Variants in SLC24A2 observed in about 807,000 individuals in gnomAD.
SLC24A2 encodes solute carrier family 24 member 2, also known as sodium/potassium/calcium exchanger 2.
Under a neutral mutation model 62.0 loss-of-function variants are expected in SLC24A2, and 36 were observed. That is an observed-to-expected ratio of 0.58 (90% CI 0.44 to 0.77). The LOEUF is 0.77. Among genes scored for constraint, SLC24A2 ranks in the 30% least tolerant of loss-of-function variants. The pLI, the probability that SLC24A2 is intolerant of heterozygous loss-of-function variation, is 0.00. For missense variants in SLC24A2, 846 were observed against 817.9 expected, an observed-to-expected ratio of 1.03 and a Z score of -0.42; for synonymous variants, 358 against 294.0, an observed-to-expected ratio of 1.22 and a Z score of -2.23.
At chr9:20,254,896 C>A in the SLC24A2 span, among the ~76,000 whole-genome samples, 206 of 152,308 alleles carry the variant, frequency 1.4e-3, no homozygotes, top group Non-Finnish European at 1.8e-3. Context: ...TCTTACATGG[C>A]AGCAGGCAAG....
the SLC24A2 span, among the ~76,000 whole-genome samples, chr9:20,209,716 T>A: frequency 6.6e-6 from 1 of 152,202 alleles, no homozygotes; most frequent in Non-Finnish European, 1.5e-5. Context: ...CAGACTTTGA[T>A]ATTTTTCCGA....
intron 2 of SLC24A2, among the ~76,000 whole-genome samples, chr9:19,640,715 T>A (rs982644149): frequency 1.3e-5 from 2 of 152,230 alleles, no homozygotes; most frequent in African/African-American, 2.4e-5. Flanking sequence ...TCCCTACTCA[T>A]CTTACCCTAA....
the SLC24A2 span, among the ~76,000 whole-genome samples, chr9:19,815,133 G>T: frequency 6.6e-6 from 1 of 152,004 alleles, no homozygotes; most frequent in African/African-American, 2.4e-5. Flanking sequence ...ACAAACCCTG[G>T]GCCCTAAGAC....
the SLC24A2 span, among the ~76,000 whole-genome samples, chr9:20,134,128 G>T: frequency 2.6e-5 from 4 of 152,114 alleles, no homozygotes; most frequent in African/African-American, 4.8e-5. Context: ...GATATGGAGA[G>T]CCAGAAAGAT....
chr9:20,069,176 A>C, the SLC24A2 span, among the ~76,000 whole-genome samples: 1 of 152,198 alleles, frequency 6.6e-6, no homozygotes, highest in African/African-American at 2.4e-5. Context: ...ACATTACATT[A>C]AAATTATGTA....
chr9:19,760,919 G>T (rs10811239), intron 2 of SLC24A2, among the ~76,000 whole-genome samples: 18 of 142,056 alleles, frequency 1.3e-4, no homozygotes, highest in African/African-American at 2.1e-4. Context: ...GTTGCCGGGT[G>T]GGGGGAGGGT....
At chr9:19,863,766 A>C in the SLC24A2 span, among the ~76,000 whole-genome samples, 1 of 151,920 alleles carries the variant, frequency 6.6e-6, no homozygotes, top group Admixed American at 6.6e-5. Flanking sequence ...AACTTCAAAT[A>C]AACAACCTGA....
intron 7 of SLC24A2, among the ~76,000 whole-genome samples, chr9:19,558,130 A>G (rs1223274523): frequency 6.6e-6 from 1 of 152,146 alleles, no homozygotes; most frequent in Non-Finnish European, 1.5e-5. Context: ...GCTGATAAGA[A>G]ACATCTGAAT....
the SLC24A2 span, among the ~76,000 whole-genome samples, chr9:19,835,006 T>C: frequency 2.6e-5 from 4 of 152,172 alleles, no homozygotes; most frequent in East Asian, 7.7e-4. Flanking sequence ...AATAAAATAC[T>C]TTACAGACAA....
intron 2 of SLC24A2, among the ~76,000 whole-genome samples, chr9:19,723,812 T>C (rs555883172): frequency 6.6e-6 from 1 of 152,102 alleles, no homozygotes; most frequent in East Asian, 1.9e-4. Flanking sequence ...AAAGTTTTTT[T>C]CTACATCATA....
chr9:20,097,708 G>C, the SLC24A2 span, among the ~76,000 whole-genome samples: 3 of 116,564 alleles, frequency 2.6e-5, no homozygotes, highest in Admixed American at 9.5e-5. Context: ...CAGGGTTTCA[G>C]AATCTTAAAT....
chr9:19,896,753 T>C, the SLC24A2 span, among the ~76,000 whole-genome samples: 94 of 152,334 alleles, frequency 6.2e-4, no homozygotes, highest in East Asian at 0.013. Context: ...CTGGATGGCA[T>C]TACAGGTGTT....
At chr9:19,888,675 T>A in the SLC24A2 span, among the ~76,000 whole-genome samples, 1 of 152,188 alleles carries the variant, frequency 6.6e-6, no homozygotes, top group Non-Finnish European at 1.5e-5. Context: ...CGCTTTCTAA[T>A]GTATGATCCT....
At chr9:20,163,160 G>T in the SLC24A2 span, among the ~76,000 whole-genome samples, 1 of 152,092 alleles carries the variant, frequency 6.6e-6, no homozygotes, top group Non-Finnish European at 1.5e-5. Context: ...GAAACAAAGG[G>T]TATTCAACTA....
the SLC24A2 span, among the ~76,000 whole-genome samples, chr9:19,923,496 C>A: frequency 2.0e-5 from 3 of 152,160 alleles, no homozygotes; most frequent in Admixed American, 2.0e-4. Context: ...CACTCCCTAC[C>A]TACCCAGCCA....
chr9:19,677,693 T>C (rs1236202612), intron 2 of SLC24A2, among the ~76,000 whole-genome samples: 1 of 151,964 alleles, frequency 6.6e-6, no homozygotes, highest in Non-Finnish European at 1.5e-5. Flanking sequence ...TTTTAAAAAC[T>C]ATACAAATAC....
chr9:19,642,671 C>CTTTTTTTTTTTTTTTTTT lies in SLC24A2; in HGVS notation c.931-20390_931-20373dup, dbSNP rs71335440. ...AGAATGGTTTATATGAGAGCGTATT[C>CTTTTTTTTTTTTTTTTTT]TTTTTTTTTTTTTTTTTTTTTTTTT... is the stretch of plus-strand genomic sequence containing the variant. On this transcript the variant is annotated intron_variant, in intron 2 of 10. Transcript: ENST00000341998. 1.8e-4 allele frequency among the ~76,000 whole-genome samples: 14 copies of CTTTTTTTTTTTTTTTTTT among 79,850 alleles called. 6 individuals carry two copies. Among genetic ancestry groups the CTTTTTTTTTTTTTTTTTT allele is most frequent in the Admixed American group, 2.8e-4 (2 of 7,062 alleles). 52.4% of individuals were successfully genotyped at this position (79,850 alleles called of 152,430 possible).
chr9:20,162,023 T>G, the SLC24A2 span, among the ~76,000 whole-genome samples: 249 of 151,792 alleles, frequency 1.6e-3, no homozygotes, highest in Non-Finnish European at 3.1e-3. Flanking sequence ...GTATAAATGG[T>G]AAACTCTGGA....
the SLC24A2 span, among the ~76,000 whole-genome samples, chr9:20,095,093 T>A: frequency 6.6e-6 from 1 of 152,194 alleles, no homozygotes; most frequent in Non-Finnish European, 1.5e-5. Flanking sequence ...CATCCTGTTT[T>A]CTAAGCCAAA....
Sources: allele counts gnomAD v4.1 joint callset (sites outside exome capture counted in the v4.1 genomes callset), GRCh38; gene constraint gnomAD v4.1.1; transcripts MANE v1.5; gene names NCBI Gene and HGNC (gene_info 2026-07-23, HGNC 2026-07-21).